DACH2: variants seen among roughly 807,000 people sequenced by gnomAD.
DACH2 encodes dachshund homolog 2.
A neutral mutation model predicts 35.8 loss-of-function variants in DACH2; 17 were observed. That is an observed-to-expected ratio of 0.48 (90% CI 0.33 to 0.71). The LOEUF (loss-of-function observed/expected upper bound fraction) is 0.71. Among genes scored for constraint, DACH2 ranks in the 30% least tolerant of loss-of-function variants. The pLI is 0.02. For missense variants in DACH2, 469 were observed against 472.7 expected (o/e 0.99, Z 0.07); for synonymous variants, 195 against 177.3 (o/e 1.10, Z -0.79).
chrX:86,727,206 C>T (rs1290211330), intron 6 of DACH2, among the ~76,000 whole-genome samples: 2 of 111,056 alleles, frequency 1.8e-5, no homozygotes, highest in Non-Finnish European at 3.8e-5. Context: ...CTGACAAATC[C>T]ACTATGAATT....
rs1355901675 is a variant in DACH2 at position 86,282,934 on chromosome X, C to T, written c.489-93890C>T. Among the ~76,000 whole-genome samples the T allele has an allele frequency of 4.6e-5, 2 of 43,160 alleles. 1 individual carries two copies. The highest frequency in any genetic ancestry group is 7.0e-5 in the Non-Finnish European group (2 of 28,559). The allele number at this position is 43,160 out of a possible 115,157, so 37.5% of individuals were successfully genotyped here. ...CTGGGACTACAGGCGCCCGCCACTA[C>T]GCCCGGCTAATTTTTTGTATTTTTT... On this transcript the variant is annotated intron_variant, in intron 1 of 11. Transcript: ENST00000373125.
At chrX:86,490,007 T>C (rs1372049676) in intron 2 of DACH2, among the ~76,000 whole-genome samples, 2 of 112,032 alleles carry the variant, frequency 1.8e-5, no homozygotes, top group Non-Finnish European at 3.8e-5. Context: ...GAAAAAGCTA[T>C]GTAATCAAAG....
chrX:86,502,011 T>TTCCTTCCTTCG (rs1569422509), intron 2 of DACH2, among the ~76,000 whole-genome samples: 2 of 95,532 alleles, frequency 2.1e-5, no homozygotes. Flanking sequence ...TCTTTCCTTC[T>TTCCTTCCTTCG]TTCCTTCCTT....
chrX:86,584,065 G>T (rs747192031), intron 3 of DACH2, among the ~76,000 whole-genome samples: 11 of 110,386 alleles, frequency 1.0e-4, no homozygotes, highest in Middle Eastern at 4.7e-3. Flanking sequence ...TGGGCCCGGA[G>T]ATTTGTTTTT....
intron 6 of DACH2, among the ~76,000 whole-genome samples, chrX:86,725,040 AAAC>A (rs766273769): frequency 8.5e-4 from 93 of 109,197 alleles, no homozygotes; most frequent in East Asian, 4.3e-3. Context: ...TAAAAAAAAA[AAAC>A]AATATCTGTC....
At chrX:86,719,942 T>TA (rs397956846) in intron 6 of DACH2, among the ~76,000 whole-genome samples, 1 of 100,342 alleles carries the variant, frequency 1.0e-5, no homozygotes, top group Non-Finnish European at 2.0e-5. Context: ...CTTTTTTTTT[T>TA]CTTTTTTTTT....
At chrX:86,481,307 T>C (rs1355899210) in intron 2 of DACH2, among the ~76,000 whole-genome samples, 1 of 111,865 alleles carries the variant, frequency 8.9e-6, no homozygotes, top group Non-Finnish European at 1.9e-5. Context: ...CAACTTTATA[T>C]TCCCCACAGC....
intron 2 of DACH2, among the ~76,000 whole-genome samples, chrX:86,400,959 G>C (rs66524347): frequency 0.13 from 14,792 of 112,007 alleles, 1,567 homozygotes; most frequent in African/African-American, 0.36. Context: ...TTTGTTTGTC[G>C]GTGCCCTGCA....
At chrX:86,592,969 T>C (rs944347922) in intron 3 of DACH2, among the ~76,000 whole-genome samples, 1 of 111,920 alleles carries the variant, frequency 8.9e-6, no homozygotes, top group Non-Finnish European at 1.9e-5. Context: ...AAAGCCAGTT[T>C]TATTTTCTTC....
At chrX:86,248,375 C>T (rs1009961011) in intron 1 of DACH2, among the ~76,000 whole-genome samples, 1 of 111,207 alleles carries the variant, frequency 9.0e-6, no homozygotes, top group African/African-American at 3.3e-5. Context: ...ACACAAAAAT[C>T]AGCAGCATTT....
In DACH2 at chrX:86,599,974, C is replaced by T. The variant is rs140718869; in HGVS notation, c.641-51062C>T. On this transcript the variant is annotated intron_variant, in intron 3 of 11. Transcript: ENST00000373125. ...GAGTGAGCTCCAAAGCTCTCAGCTG[C>T]TCTGGAAGAGAGTTTTGCAACACAA... Among the ~76,000 whole-genome samples the T allele has an allele frequency of 4.5e-3, 504 of 111,345 alleles. 7 individuals are homozygous for T. The highest frequency in any genetic ancestry group is 0.016 in the African/African-American group (477 of 30,647).
chrX:86,560,918 G>C (rs1483448599), intron 3 of DACH2, among the ~76,000 whole-genome samples: 1 of 215 alleles, frequency 4.7e-3, no homozygotes, highest in African/African-American at 0.029. Context: ...TTAAACTAAA[G>C]AGCTTCTGCA....
intron 3 of DACH2, among the ~76,000 whole-genome samples, chrX:86,628,607 A>T (rs1408136956): frequency 8.9e-6 from 1 of 112,689 alleles, no homozygotes; most frequent in African/African-American, 3.2e-5. Context: ...GTATTGCTGG[A>T]TTCTTTGTCC....
intron 1 of DACH2, among the ~76,000 whole-genome samples, chrX:86,359,057 G>GGGAGAAAT (rs113121809): frequency 0.071 from 7,392 of 104,124 alleles, 636 homozygotes; most frequent in African/African-American, 0.24. Flanking sequence ...ATCAGAGAAA[G>GGGAGAAAT]GGAGAAATAG....
intron 3 of DACH2, among the ~76,000 whole-genome samples, chrX:86,541,866 A>C (rs1332106421): frequency 9.0e-6 from 1 of 111,456 alleles, no homozygotes; most frequent in Non-Finnish European, 1.9e-5. Flanking sequence ...GTTTTTCACG[A>C]GATTTCATCC....
chrX:86,392,208 A>G (rs891477808), intron 2 of DACH2, among the ~76,000 whole-genome samples: 8 of 111,602 alleles, frequency 7.2e-5, no homozygotes, highest in Middle Eastern at 4.7e-3. Context: ...ATCCATTTTG[A>G]TACATAATGC....
At chrX:86,463,327 T>C (rs1331415566) in intron 2 of DACH2, among the ~76,000 whole-genome samples, 1 of 110,473 alleles carries the variant, frequency 9.1e-6, no homozygotes, top group Non-Finnish European at 1.9e-5. Flanking sequence ...TATTGATTAT[T>C]CAAATAAAAA....
chrX:86,311,589 T>C (rs978925397), intron 1 of DACH2, among the ~76,000 whole-genome samples: 7 of 110,940 alleles, frequency 6.3e-5, no homozygotes, highest in African/African-American at 2.3e-4. Context: ...GTGGCACCAC[T>C]CACCATCACC....
intron 6 of DACH2, among the ~76,000 whole-genome samples, chrX:86,721,086 C>T (rs2041401340): frequency 8.9e-6 from 1 of 112,309 alleles, no homozygotes; most frequent in African/African-American, 3.2e-5. Flanking sequence ...GGCCCTGAAT[C>T]CTGCCCAGGA....
Sources: gnomAD v4.1 joint callset for allele counts (sites outside exome capture counted in the v4.1 genomes callset) on GRCh38, gnomAD v4.1.1 for gene constraint, MANE v1.5 for transcripts, NCBI Gene and HGNC (gene_info 2026-07-23, HGNC 2026-07-21) for gene names.